PTPRD: variants seen among roughly 807,000 people sequenced by gnomAD.
The protein encoded by PTPRD is protein tyrosine phosphatase receptor type D, also known as receptor-type tyrosine-protein phosphatase delta.
A neutral mutation model predicts 214.5 loss-of-function variants in PTPRD; 34 were observed. The observed-to-expected ratio is 0.16, with a 90% confidence interval of 0.12 to 0.21. The LOEUF is 0.21. Among genes scored for constraint, PTPRD ranks in the 10% least tolerant of loss-of-function variants. The pLI, the probability that PTPRD is intolerant of heterozygous loss-of-function variation, is 1.00. For missense variants in PTPRD, 2,545 were observed against 2,398.7 expected, an observed-to-expected ratio of 1.06 and a Z score of -1.27; for synonymous variants, 1,128 against 845.7, an observed-to-expected ratio of 1.33 and a Z score of -5.79.
At chr9:10,571,074 T>C (rs2131952545) in intron 2 of PTPRD, among the ~76,000 whole-genome samples, 1 of 152,240 alleles carries the variant, frequency 6.6e-6, no homozygotes, top group Admixed American at 6.5e-5. Flanking sequence ...TGCATTATAG[T>C]GAAGTATTTT....
At chr9:9,359,968 A>G (rs933711280) in intron 9 of PTPRD, among the ~76,000 whole-genome samples, 3 of 151,278 alleles carry the variant, frequency 2.0e-5, no homozygotes, top group Non-Finnish European at 3.0e-5. Context: ...AAACATTTTT[A>G]TATGTTTTTT....
At chr9:9,428,136 A>C (rs1329571578) in intron 8 of PTPRD, among the ~76,000 whole-genome samples, 2 of 152,338 alleles carry the variant, frequency 1.3e-5, no homozygotes, top group African/African-American at 4.8e-5. Context: ...TAAAGAGTCA[A>C]GACCCATCAG....
intron 7 of PTPRD, among the ~76,000 whole-genome samples, chr9:9,578,287 C>G (rs1444267317): frequency 1.3e-5 from 2 of 151,872 alleles, no homozygotes; most frequent in Admixed American, 1.3e-4. Context: ...GTTATACATT[C>G]AAGTTTAATT....
chr9:10,385,023 C>T (rs899357865), intron 2 of PTPRD, among the ~76,000 whole-genome samples: 8 of 151,784 alleles, frequency 5.3e-5, no homozygotes, highest in African/African-American at 1.9e-4. Context: ...ATTTCTCCTT[C>T]CTCCATCTGT....
At position 8,449,846 on chromosome 9, in the gene PTPRD, G is replaced by T. The variant is rs770444844; in HGVS notation, c.3876-9C>A. 1 of 1,608,992 alleles carries T rather than the reference G, an allele frequency of 6.2e-7. No homozygotes were observed. The highest frequency in any genetic ancestry group is 1.7e-4 in the Middle Eastern group (1 of 6,018). On this transcript the variant is annotated splice_polypyrimidine_tract_variant and intron_variant, in intron 33 of 45. Coordinates refer to ENST00000381196, the MANE Select transcript of PTPRD (RefSeq NM_002839.4). ...CGGACTCTGCCCTCTTCCTATAGGG[G>T]GAAAATAGAAATTTAAGAAGAAAAG... is the stretch of plus-strand genomic sequence containing the variant.
At chr9:9,650,799 A>G (rs1195739540) in intron 7 of PTPRD, among the ~76,000 whole-genome samples, 1 of 152,168 alleles carries the variant, frequency 6.6e-6, no homozygotes, top group East Asian at 1.9e-4. Context: ...AATCTTCAGT[A>G]TGTCATATTT....
intron 3 of PTPRD, among the ~76,000 whole-genome samples, chr9:10,186,215 A>C (rs926855802): frequency 6.6e-6 from 1 of 152,118 alleles, no homozygotes; most frequent in East Asian, 1.9e-4. Flanking sequence ...ATTAAACTCA[A>C]CCTGAGAGTC....
intron 7 of PTPRD, among the ~76,000 whole-genome samples, chr9:9,604,876 C>CA (rs894246690): frequency 4.9e-4 from 71 of 143,922 alleles, no homozygotes; most frequent in South Asian, 1.3e-3. Flanking sequence ...TATTAAAGAA[C>CA]AAAAAAAAAA....
intron 31 of PTPRD, among the ~76,000 whole-genome samples, chr9:8,469,065 G>A (rs759624446): frequency 1.4e-4 from 22 of 151,910 alleles, no homozygotes; most frequent in Admixed American, 2.6e-4. Flanking sequence ...AACCCATCCC[G>A]ACCCAAAAAT....
intron 7 of PTPRD, among the ~76,000 whole-genome samples, chr9:9,598,917 G>T (rs1361894504): frequency 6.6e-6 from 1 of 151,928 alleles, no homozygotes; most frequent in Non-Finnish European, 1.5e-5. Context: ...AGTGCCCCCT[G>T]TCTGACATTT....
rs184512322 is a variant in PTPRD, at chr9:10,102,783, A to C, written c.-544-68993T>G. On this transcript the variant is annotated intron_variant, in intron 3 of 45. Coordinates refer to ENST00000381196, the MANE Select transcript of PTPRD (RefSeq NM_002839.4). ...AAGAAAAATTTTCTATTTCATAAAA[A>C]GGGTTTTCAAAATTACCTTTACAAA... Among the ~76,000 whole-genome samples the C allele has an allele frequency of 9.9e-5, 15 of 151,792 alleles. No homozygotes were observed. The East Asian group carries it at 2.5e-3, about 26-fold the overall frequency.
chr9:9,307,867 G>T (rs1194785289), intron 9 of PTPRD, among the ~76,000 whole-genome samples: 6 of 152,266 alleles, frequency 3.9e-5, no homozygotes, highest in African/African-American at 1.2e-4. Context: ...TGAACCACCA[G>T]ATTAAAACCT....
At chr9:9,888,383 G>A (rs551103189) in intron 5 of PTPRD, among the ~76,000 whole-genome samples, 2 of 152,260 alleles carry the variant, frequency 1.3e-5, no homozygotes, top group East Asian at 1.9e-4. Flanking sequence ...GAGGCGATGA[G>A]TATACAGTTT....
At chr9:9,938,659 A>G (rs1164002332) in intron 4 of PTPRD, 49 bp from the exon 5 acceptor site, 1 of 152,154 alleles carries the variant, frequency 6.6e-6, no homozygotes, top group Non-Finnish European at 1.5e-5. Context: ...CTTGAAGCAC[A>G]ATAAGATATT....
chr9:9,734,324 T>C (rs2098254353), intron 7 of PTPRD, among the ~76,000 whole-genome samples: 1 of 152,138 alleles, frequency 6.6e-6, no homozygotes, highest in Non-Finnish European at 1.5e-5. Flanking sequence ...AAGTTGAATC[T>C]CCAAGAAGTA....
At chr9:10,225,339 G>T (rs537171347) in intron 3 of PTPRD, among the ~76,000 whole-genome samples, 1 of 151,954 alleles carries the variant, frequency 6.6e-6, no homozygotes, top group Admixed American at 6.6e-5. Context: ...GCTATACACC[G>T]TAATTTGTTT....
intron 11 of PTPRD, among the ~76,000 whole-genome samples, chr9:8,794,080 A>C (rs2096328475): frequency 6.6e-6 from 1 of 152,228 alleles, no homozygotes; most frequent in Admixed American, 6.5e-5. Flanking sequence ...CAGCAGCCTG[A>C]ATCAAAGAGA....
chr9:10,068,274 A>G (rs1054092003), intron 3 of PTPRD, among the ~76,000 whole-genome samples: 1 of 151,930 alleles, frequency 6.6e-6, no homozygotes, highest in Admixed American at 6.6e-5. Flanking sequence ...GGTGGTGAAA[A>G]GCCTTTATCT....
At chr9:9,388,638 GACTAAAAAA>G (rs1487603104) in intron 9 of PTPRD, among the ~76,000 whole-genome samples, 1 of 151,884 alleles carries the variant, frequency 6.6e-6, no homozygotes, top group Non-Finnish European at 1.5e-5. Context: ...GAAGAAACAT[GACTAAAAAA>G]ACAGATTGTA....
Sources: gnomAD v4.1 joint callset for allele counts (sites outside exome capture counted in the v4.1 genomes callset) on GRCh38, gnomAD v4.1.1 for gene constraint, MANE v1.5 for transcripts, NCBI Gene and HGNC (gene_info 2026-07-23, HGNC 2026-07-21) for gene names.